LRRC4C: variants seen among roughly 807,000 people sequenced by gnomAD.
LRRC4C encodes leucine-rich repeat-containing protein 4C.
A neutral mutation model predicts 33.6 loss-of-function variants in LRRC4C; 5 were observed. The observed-to-expected ratio is 0.15, with a 90% CI of 0.08 to 0.31. The LOEUF (loss-of-function observed/expected upper bound fraction) is 0.31, where lower values mean the gene tolerates loss of function less well. Among genes scored for constraint, LRRC4C ranks in the 10% least tolerant of loss-of-function variants. The pLI, the probability that LRRC4C is intolerant of heterozygous loss-of-function variation, is 1.00. For synonymous variants in LRRC4C, 329 were observed against 302.0 expected (o/e 1.09, Z -0.93); for missense variants, 560 against 796.7 (o/e 0.70, Z 3.58).
chr11:40,554,441 G>A (rs1304409426), intron 3 of LRRC4C, among the ~76,000 whole-genome samples: 1 of 151,954 alleles, frequency 6.6e-6, no homozygotes, highest in Non-Finnish European at 1.5e-5. Flanking sequence ...TTAGCTATTT[G>A]GACTCTCTTT....
chr11:40,448,680 T>C lies in LRRC4C; in HGVS notation c.-269-128959A>G, dbSNP rs566779233. Among the ~76,000 whole-genome samples, 96 of 152,346 alleles carry C rather than the reference T, an allele frequency of 6.3e-4. 2 individuals carry two copies. The highest frequency in any genetic ancestry group is 2.2e-3 in the African/African-American group (93 of 41,578). ...GGCATTTGGGTTGGTTCCAGGTTTTTGCTATTGTGAATACTGCTGCAATAA... is the reference window on the plus strand; with the variant it reads ...GGCATTTGGGTTGGTTCCAGGTTTTCGCTATTGTGAATACTGCTGCAATAA... On this transcript the variant is annotated intron_variant, in intron 3 of 6. Coordinates refer to ENST00000528697, the MANE Select transcript of LRRC4C (RefSeq NM_001258419.2).
Position 40,936,046 on chromosome 11 carries a change from ATATATATATATATATATAT to A in LRRC4C, c.-495-2342_-495-2324del, listed in dbSNP as rs1565219307. ...TATATATATATATATATATATATAT[ATATATATATATATATATAT>A]AACATAGTTTGAACCTTAACTCTGT... On this transcript the variant is annotated intron_variant, in intron 1 of 6. Transcript: ENST00000528697. Among the ~76,000 whole-genome samples, 19 of 74,786 alleles carry A rather than the reference ATATATATATATATATATAT, an allele frequency of 2.5e-4. 1 individual carries two copies. The highest frequency in any genetic ancestry group is 1.1e-3 in the East Asian group (3 of 2,688). 49.1% of individuals were successfully genotyped at this position (74,786 alleles called of 152,430 possible).
chr11:41,440,288 G>C (rs1434168407), intron 1 of LRRC4C, among the ~76,000 whole-genome samples: 8 of 152,072 alleles, frequency 5.3e-5, no homozygotes, highest in Non-Finnish European at 1.5e-5. Flanking sequence ...CCACTCTAGA[G>C]AGAATAGGTT....
chr11:41,005,316 G>T (rs543359019), intron 1 of LRRC4C, among the ~76,000 whole-genome samples: 28 of 152,198 alleles, frequency 1.8e-4, no homozygotes, highest in Non-Finnish European at 3.4e-4. Flanking sequence ...AAAAGGAGCC[G>T]CCCCTGGCTG....
chr11:41,367,249 T>C lies in LRRC4C; in HGVS notation c.-496+92182A>G, dbSNP rs568735808. On this transcript the variant is annotated intron_variant, in intron 1 of 6. Coordinates refer to ENST00000528697, the MANE Select transcript of LRRC4C (RefSeq NM_001258419.2). ...ACTTTACATCTCCATTCCTATAACA[T>C]GCCTCTTGTCTTTATAGTGAGGTGT... Among the ~76,000 whole-genome samples the C allele has an allele frequency of 2.2e-3, 341 of 152,282 alleles. 1 individual carries two copies. The highest frequency in any genetic ancestry group is 8.0e-3 in the African/African-American group (332 of 41,578).
chr11:41,400,114 C>T (rs944293834), intron 1 of LRRC4C, among the ~76,000 whole-genome samples: 1 of 151,978 alleles, frequency 6.6e-6, no homozygotes, highest in Non-Finnish European at 1.5e-5. Flanking sequence ...CAGGAAACAT[C>T]TAATCTAAGT....
intron 2 of LRRC4C, among the ~76,000 whole-genome samples, chr11:40,742,996 C>T (rs1292249493): frequency 1.3e-5 from 2 of 151,990 alleles, no homozygotes; most frequent in Non-Finnish European, 2.9e-5. Flanking sequence ...CTGTGCTGCT[C>T]ATCTGAATCT....
At chr11:40,441,888 C>A (rs1951410798) in intron 3 of LRRC4C, among the ~76,000 whole-genome samples, 1 of 152,154 alleles carries the variant, frequency 6.6e-6, no homozygotes, top group Non-Finnish European at 1.5e-5. Flanking sequence ...ACTGGCTGGG[C>A]ACCGTGGCTC....
chr11:40,943,947 C>A (rs1048306988), intron 1 of LRRC4C, among the ~76,000 whole-genome samples: 1 of 152,130 alleles, frequency 6.6e-6, no homozygotes, highest in Non-Finnish European at 1.5e-5. Context: ...TGTTCTGGCC[C>A]ATTTCTCGTT....
intron 1 of LRRC4C, among the ~76,000 whole-genome samples, chr11:41,187,859 T>C (rs937532153): frequency 2.0e-5 from 3 of 152,164 alleles, no homozygotes; most frequent in African/African-American, 7.2e-5. Context: ...AGCAAAGAAG[T>C]AAGCCACATA....
Position 41,109,592 on chromosome 11 carries a change from C to CT in LRRC4C, c.-495-175870dup, listed in dbSNP as rs1352052911. ...CTCCTTCTTTACCGTCTCTAAATAT[C>CT]TTTTATGTTTTCTCTTTTGCTGATA... is the stretch of plus-strand genomic sequence containing the variant. On this transcript the variant is annotated intron_variant, in intron 1 of 6. Coordinates refer to ENST00000528697, the MANE Select transcript of LRRC4C (RefSeq NM_001258419.2). 2.0e-5 allele frequency among the ~76,000 whole-genome samples: 3 copies of CT among 152,040 alleles called. No individual in the cohort carries two copies. In the East Asian group the frequency reaches 5.8e-4, roughly 29 times the overall value.
intron 1 of LRRC4C, among the ~76,000 whole-genome samples, chr11:41,035,204 CATAAATAA>C (rs559701849): frequency 2.3e-4 from 34 of 150,332 alleles, no homozygotes; most frequent in Admixed American, 1.5e-3. Flanking sequence ...TAAATAAATA[CATAAATAA>C]ATAAATAAAT....
intron 1 of LRRC4C, among the ~76,000 whole-genome samples, chr11:41,177,135 G>C (rs1024218039): frequency 6.6e-6 from 1 of 152,152 alleles, no homozygotes; most frequent in Non-Finnish European, 1.5e-5. Context: ...AAAGGGAACA[G>C]CAATGCAAGG....
At chr11:40,678,808 C>T (rs978419329) in intron 2 of LRRC4C, among the ~76,000 whole-genome samples, 2 of 152,076 alleles carry the variant, frequency 1.3e-5, no homozygotes, top group Admixed American at 6.6e-5. Context: ...ACCCAGCCAC[C>T]AGCATGTCTT....
chr11:40,528,773 G>T, intron 3 of LRRC4C, among the ~76,000 whole-genome samples: 1 of 152,050 alleles, frequency 6.6e-6, no homozygotes, highest in East Asian at 1.9e-4. Flanking sequence ...AAGAAAATGT[G>T]ATATATACAA....
At chr11:40,389,287 G>C (rs1949242180) in intron 3 of LRRC4C, among the ~76,000 whole-genome samples, 1 of 152,110 alleles carries the variant, frequency 6.6e-6, no homozygotes, top group African/African-American at 2.4e-5. Context: ...AAAGCATTCT[G>C]TGCCACTAAG....
chr11:41,450,853 T>C (rs1955996599), intron 1 of LRRC4C, among the ~76,000 whole-genome samples: 1 of 152,142 alleles, frequency 6.6e-6, no homozygotes, highest in South Asian at 2.1e-4. Flanking sequence ...TCGGAAACAT[T>C]ATCACTGCTT....
chr11:41,181,359 A>G (rs940821148), intron 1 of LRRC4C, among the ~76,000 whole-genome samples: 1 of 152,024 alleles, frequency 6.6e-6, no homozygotes, highest in Non-Finnish European at 1.5e-5. Flanking sequence ...GAAAAAACAG[A>G]TTTTCCAGAG....
chr11:40,852,253 G>C (rs1301255388), intron 2 of LRRC4C, among the ~76,000 whole-genome samples: 1 of 151,980 alleles, frequency 6.6e-6, no homozygotes, highest in Non-Finnish European at 1.5e-5. Context: ...ACCCTGGTGA[G>C]TTGAAATTAT....
Sources: allele counts gnomAD v4.1 joint callset (sites outside exome capture counted in the v4.1 genomes callset), GRCh38; gene constraint gnomAD v4.1.1; transcripts MANE v1.5; gene names NCBI Gene and HGNC (gene_info 2026-07-23, HGNC 2026-07-21).